The following OPRM1 variants were observed in gnomAD, a reference collection of about 807,000 sequenced individuals.
OPRM1 encodes the protein mu-type opioid receptor.
A neutral mutation model predicts 31.8 loss-of-function variants in OPRM1; 27 were observed. The observed-to-expected ratio is 0.85, with a 90% CI of 0.63 to 1.17. The LOEUF is 1.17. Among genes scored for constraint, OPRM1 ranks in the 50% most tolerant of loss-of-function variants. The pLI is 0.00. For synonymous variants in OPRM1, 196 were observed against 189.9 expected, an observed-to-expected ratio of 1.03 and a Z score of -0.26; for missense variants, 536 against 511.1, an observed-to-expected ratio of 1.05 and a Z score of -0.47.
chr6:154,149,482 C>T (rs1309584693), intron 3 of OPRM1, among the ~76,000 whole-genome samples: 1 of 152,016 alleles, frequency 6.6e-6, no homozygotes, highest in East Asian at 1.9e-4. Context: ...TTGTTAAAAT[C>T]GTCTTCCTCA....
chr6:154,235,620 T>G (rs944335468), intron 3 of OPRM1, among the ~76,000 whole-genome samples: 7 of 151,616 alleles, frequency 4.6e-5, no homozygotes, highest in African/African-American at 1.7e-4. Flanking sequence ...CTTCCTGCAA[T>G]GTGAAGTTAT....
chr6:154,246,606 CCAG>C, intron 3 of OPRM1: 1 of 1,613,228 alleles, frequency 6.2e-7, no homozygotes, highest in Non-Finnish European at 8.5e-7. Context: ...GATTGCTATA[CCAG>C]TACAGTGACG....
intron 1 of OPRM1, among the ~76,000 whole-genome samples, chr6:154,079,814 A>G (rs17174757): frequency 0.019 from 2,876 of 152,166 alleles, 114 homozygotes; most frequent in African/African-American, 0.066. Flanking sequence ...GGCTCTGTGG[A>G]TCCTCCCACC....
At chr6:154,216,058 G>A (rs1402512891) in intron 3 of OPRM1, among the ~76,000 whole-genome samples, 1 of 152,092 alleles carries the variant, frequency 6.6e-6, no homozygotes. Flanking sequence ...TTCTGAGCAG[G>A]CAATTTGATG....
rs543342150 is a variant in OPRM1, at chr6:154,126,902, G to A, written c.*8181G>A. On this transcript the variant is annotated 3_prime_UTR_variant, in exon 4 of 4. Transcript: ENST00000330432. ...CGAGGCGGGCGGAACACAAGGTCAG[G>A]AGATCAAGACCATCCTGGCCAATAT... Among the ~76,000 whole-genome samples the A allele has an allele frequency of 6.6e-6, 1 of 152,260 alleles. No individual in the cohort carries two copies. The highest frequency in any genetic ancestry group is 2.1e-4 in the South Asian group (1 of 4,826).
At chr6:154,153,193 C>G (rs1798588246) in intron 3 of OPRM1, among the ~76,000 whole-genome samples, 1 of 152,126 alleles carries the variant, frequency 6.6e-6, no homozygotes, top group African/African-American at 2.4e-5. Context: ...CCTGGGATTT[C>G]TGGGAGGTGT....
chr6:154,236,353 A>T (rs1255372402), intron 3 of OPRM1, among the ~76,000 whole-genome samples: 2 of 152,226 alleles, frequency 1.3e-5, no homozygotes, highest in Admixed American at 1.3e-4. Context: ...TCAAATTCGT[A>T]GAGACAGAGA....
chr6:154,214,387 A>G (rs1778215139), intron 3 of OPRM1: 1 of 800,204 alleles, frequency 1.2e-6, no homozygotes, highest in African/African-American at 1.7e-5. Flanking sequence ...ATCAGTCTGC[A>G]CATTTCCAGA....
intron 3 of OPRM1, among the ~76,000 whole-genome samples, chr6:154,174,195 C>A (rs1156646436): frequency 6.6e-6 from 1 of 152,202 alleles, no homozygotes; most frequent in Non-Finnish European, 1.5e-5. Context: ...AAAGACACAA[C>A]TGGTACCAGC....
At chr6:154,205,278 T>C (rs926395114) in intron 3 of OPRM1, among the ~76,000 whole-genome samples, 4 of 130,712 alleles carry the variant, frequency 3.1e-5, no homozygotes, top group African/African-American at 1.2e-4. Flanking sequence ...CATCCCTGTA[T>C]TTTTTTTTAA....
intron 1 of OPRM1, among the ~76,000 whole-genome samples, chr6:154,030,468 A>G (rs955955279): frequency 1.3e-5 from 2 of 152,210 alleles, no homozygotes; most frequent in Non-Finnish European, 2.9e-5. Context: ...ACCTTAATCA[A>G]TAGTCTTACT....
intron 1 of OPRM1, among the ~76,000 whole-genome samples, chr6:154,077,134 G>A (rs1325982431): frequency 6.6e-6 from 1 of 152,040 alleles, no homozygotes; most frequent in Non-Finnish European, 1.5e-5. Context: ...ATCCACATGT[G>A]CTCCAAACCC....
chr6:154,134,959 C>T (rs112222413), downstream of OPRM1, among the ~76,000 whole-genome samples: 41 of 152,126 alleles, frequency 2.7e-4, no homozygotes, highest in African/African-American at 9.7e-4. Flanking sequence ...TCTCAGAACC[C>T]TTCTTTCATA....
At chr6:154,094,908 A>T (rs1236523774) in intron 3 of OPRM1, among the ~76,000 whole-genome samples, 1 of 152,222 alleles carries the variant, frequency 6.6e-6, no homozygotes, top group Non-Finnish European at 1.5e-5. Flanking sequence ...TAGTAAGGAC[A>T]TGCTGCATGA....
At chr6:154,019,742 C>CTTTTCTTTTCT (rs1778237759) in intron 1 of OPRM1, among the ~76,000 whole-genome samples, 1 of 131,198 alleles carries the variant, frequency 7.6e-6, no homozygotes, top group South Asian at 2.3e-4. Flanking sequence ...CTTTTCTTTT[C>CTTTTCTTTTCT]TTTTCTTTTT....
upstream of OPRM1, among the ~76,000 whole-genome samples, chr6:154,034,500 A>G (rs942451598): frequency 1.3e-5 from 2 of 152,204 alleles, no homozygotes; most frequent in African/African-American, 4.8e-5. Flanking sequence ...GCGAGCTGAG[A>G]TCGCGCCACT....
intron 3 of OPRM1, among the ~76,000 whole-genome samples, chr6:154,103,995 T>C (rs774416698): frequency 2.0e-5 from 3 of 152,252 alleles, no homozygotes; most frequent in Non-Finnish European, 2.9e-5. Context: ...TCAGCTCTTA[T>C]TCAAGATGGA....
chr6:154,045,465 C>T (rs1780935884), intron 1 of OPRM1, among the ~76,000 whole-genome samples: 1 of 152,168 alleles, frequency 6.6e-6, no homozygotes, highest in South Asian at 2.1e-4. Context: ...CCAGATGTAA[C>T]CACATGTTGA....
chr6:154,100,051 CAT>C (rs1396991915), intron 3 of OPRM1, among the ~76,000 whole-genome samples: 1 of 125,910 alleles, frequency 7.9e-6, no homozygotes, highest in East Asian at 2.4e-4. Flanking sequence ...TGATATATAT[CAT>C]ATGATATATA....
Sources: gnomAD v4.1 joint callset for allele counts (sites outside exome capture counted in the v4.1 genomes callset) on GRCh38, gnomAD v4.1.1 for gene constraint, MANE v1.5 for transcripts, NCBI Gene and HGNC (gene_info 2026-07-23, HGNC 2026-07-21) for gene names.